The following HS3ST4 variants were observed in gnomAD, a reference collection of about 807,000 sequenced individuals.
HS3ST4 encodes heparan sulfate glucosamine 3-O-sulfotransferase 4.
A neutral mutation model predicts 29.2 loss-of-function variants in HS3ST4; 17 were observed. That is an observed-to-expected ratio of 0.58 (90% CI 0.40 to 0.87). The LOEUF (loss-of-function observed/expected upper bound fraction) is 0.87. Ranked by LOEUF, HS3ST4 falls within the 40% of genes least tolerant of loss-of-function variation. The pLI is 0.00. For synonymous variants in HS3ST4, 314 were observed against 285.7 expected (o/e 1.10, Z -1.00); for missense variants, 627 against 634.5 (o/e 0.99, Z 0.13).
At chr16:25,981,568 A>G (rs539527021) in intron 1 of HS3ST4, among the ~76,000 whole-genome samples, 2 of 151,048 alleles carry the variant, frequency 1.3e-5, no homozygotes, top group East Asian at 3.9e-4. Context: ...CACCTGGAAC[A>G]GTATACCTTT....
intron 1 of HS3ST4, among the ~76,000 whole-genome samples, chr16:26,130,465 G>A (rs906624601): frequency 6.6e-6 from 1 of 152,138 alleles, no homozygotes; most frequent in African/African-American, 2.4e-5. Context: ...ATAGTAATGG[G>A]GCAGCTAGTA....
chr16:25,951,924 A>G (rs1177045308), intron 1 of HS3ST4, among the ~76,000 whole-genome samples: 1 of 152,148 alleles, frequency 6.6e-6, no homozygotes, highest in Non-Finnish European at 1.5e-5. Flanking sequence ...GCACATATTT[A>G]CCTATGTAAC....
At chr16:25,990,866 G>T (rs1969107820) in intron 1 of HS3ST4, among the ~76,000 whole-genome samples, 1 of 152,150 alleles carries the variant, frequency 6.6e-6, no homozygotes, top group African/African-American at 2.4e-5. Context: ...TTCAGCAAAG[G>T]CATTCATTGT....
At chr16:26,103,926 A>G (rs2141798333) in intron 1 of HS3ST4, among the ~76,000 whole-genome samples, 2 of 152,348 alleles carry the variant, frequency 1.3e-5, no homozygotes, top group African/African-American at 4.8e-5. Context: ...TATATTGTGA[A>G]AATTCAATAA....
At chr16:26,122,624 A>G (rs11643171) in intron 1 of HS3ST4, among the ~76,000 whole-genome samples, 12,710 of 152,228 alleles carry the variant, frequency 0.083, 616 homozygotes, top group Middle Eastern at 0.11. Context: ...ACTAGGATAT[A>G]TGCCACACTG....
intron 1 of HS3ST4, among the ~76,000 whole-genome samples, chr16:25,854,481 G>A (rs570767625): frequency 6.6e-6 from 1 of 152,216 alleles, no homozygotes; most frequent in East Asian, 1.9e-4. Flanking sequence ...ATTGCCATCT[G>A]TTTTATCAGC....
intron 1 of HS3ST4, among the ~76,000 whole-genome samples, chr16:26,046,207 A>G (rs527399734): frequency 1.4e-5 from 2 of 146,410 alleles, no homozygotes; most frequent in South Asian, 2.1e-4. Flanking sequence ...CTGGAGTGCA[A>G]TGGCGTGATC....
Position 25,716,067 on chromosome 16 carries a change from G to A in HS3ST4, c.734+22916G>A, listed in dbSNP as rs147682252. On this transcript the variant is annotated intron_variant, in intron 1 of 1. Transcript: ENST00000331351. The stretch of plus-strand genomic sequence containing the variant: ...TGTGGATTAAGAAGGGTCACATCTG[G>A]TGTGGCGATGGTAGTGGTTTTTCTT... 9.1e-4 allele frequency among the ~76,000 whole-genome samples: 139 copies of A among 152,338 alleles called. 1 individual carries two copies. Among genetic ancestry groups the A allele is most frequent in the Middle Eastern group, 3.4e-3 (1 of 294 alleles).
intron 1 of HS3ST4, among the ~76,000 whole-genome samples, chr16:26,123,972 G>A (rs1018866208): frequency 1.3e-5 from 2 of 151,482 alleles, no homozygotes; most frequent in African/African-American, 4.9e-5. Context: ...CCAGACTGGA[G>A]TGCAATGGTG....
chr16:25,710,537 C>G (rs931616236), intron 1 of HS3ST4, among the ~76,000 whole-genome samples: 3 of 81,046 alleles, frequency 3.7e-5, no homozygotes, highest in African/African-American at 1.0e-4. Context: ...GAGTCTGGCT[C>G]GTTCCTTATT....
intron 1 of HS3ST4, among the ~76,000 whole-genome samples, chr16:25,792,797 CT>C (rs1966872262): frequency 1.3e-5 from 2 of 151,508 alleles, no homozygotes; most frequent in South Asian, 4.2e-4. Flanking sequence ...TCCTTGTTTT[CT>C]TATTAGGTTT....
chr16:25,781,645 A>G (rs1966852712), intron 1 of HS3ST4, among the ~76,000 whole-genome samples: 1 of 152,180 alleles, frequency 6.6e-6, no homozygotes. Context: ...GACCTTGAAT[A>G]TCTATGTAAC....
intron 1 of HS3ST4, among the ~76,000 whole-genome samples, chr16:25,744,917 T>G (rs1371121143): frequency 6.6e-6 from 1 of 152,160 alleles, no homozygotes; most frequent in Non-Finnish European, 1.5e-5. Flanking sequence ...ATAAATCCAA[T>G]TAAACCACTT....
rs61542225 is a variant in HS3ST4, at chr16:25,749,772, T to C, written c.734+56621T>C. Among the ~76,000 whole-genome samples the C allele has an allele frequency of 3.9e-3, 591 of 152,326 alleles. 5 individuals are homozygous for C. The highest frequency in any genetic ancestry group is 0.014 in the African/African-American group (566 of 41,572). On this transcript the variant is annotated intron_variant, in intron 1 of 1. Coordinates refer to ENST00000331351, the MANE Select transcript of HS3ST4 (RefSeq NM_006040.3). ...AACATAGACAGCTCTAAATAATTCT[T>C]TGTTGTTGTTTTTATTATCGTTTTA...
chr16:25,968,873 G>T (rs1180370512), intron 1 of HS3ST4, among the ~76,000 whole-genome samples: 1 of 152,164 alleles, frequency 6.6e-6, no homozygotes, highest in African/African-American at 2.4e-5. Flanking sequence ...AGGCTGGAGT[G>T]CAGTGGCATA....
intron 1 of HS3ST4, among the ~76,000 whole-genome samples, chr16:25,902,770 A>T (rs1968131493): frequency 8.2e-6 from 1 of 122,356 alleles, no homozygotes; most frequent in Non-Finnish European, 1.9e-5. Flanking sequence ...TCCAGACAGC[A>T]TTAAAAACAA....
chr16:26,111,574 A>G (rs1358884882), intron 1 of HS3ST4, among the ~76,000 whole-genome samples: 2 of 152,166 alleles, frequency 1.3e-5, no homozygotes, highest in Non-Finnish European at 2.9e-5. Flanking sequence ...GGCTAACTGG[A>G]TGTGATGATG....
At chr16:26,042,354 CTGTGTGTG>C (rs71732983) in intron 1 of HS3ST4, among the ~76,000 whole-genome samples, 3,143 of 148,538 alleles carry the variant, frequency 0.021, 105 homozygotes, top group African/African-American at 0.072. Context: ...GCATTTATCT[CTGTGTGTG>C]TGTGTGTGTG....
chr16:25,919,600 TCCA>T, intron 1 of HS3ST4, among the ~76,000 whole-genome samples: 1 of 152,250 alleles, frequency 6.6e-6, no homozygotes, highest in African/African-American at 2.4e-5. Context: ...AGAAAAGATG[TCCA>T]GGCCTGAGCC....
Sources: gnomAD v4.1 joint callset for allele counts (sites outside exome capture counted in the v4.1 genomes callset) on GRCh38, gnomAD v4.1.1 for gene constraint, MANE v1.5 for transcripts, NCBI Gene and HGNC (gene_info 2026-07-23, HGNC 2026-07-21) for gene names.